Variants in LHFPL6 observed in about 807,000 individuals in gnomAD.
The protein encoded by LHFPL6 is LHFPL tetraspan subfamily member 6 protein.
Under a neutral mutation model 20.6 loss-of-function variants are expected in LHFPL6, and 9 were observed. The ratio of observed to expected loss-of-function variants is 0.44; its 90% CI spans 0.26 to 0.76. LHFPL6 has a LOEUF of 0.76. Ranked by LOEUF, LHFPL6 falls within the 30% of genes least tolerant of loss-of-function variation. LHFPL6 has a pLI of 0.20. For missense variants in LHFPL6, 218 were observed against 253.5 expected (o/e 0.86, Z 0.95); for synonymous variants, 105 against 98.7 (o/e 1.06, Z -0.38).
At chr13:39,535,031 T>C (rs555160227) in intron 2 of LHFPL6, among the ~76,000 whole-genome samples, 1 of 152,332 alleles carries the variant, frequency 6.6e-6, no homozygotes, top group Admixed American at 6.5e-5. Flanking sequence ...TTTCCTTGAC[T>C]AGCTTCTCAC....
intron 2 of LHFPL6, among the ~76,000 whole-genome samples, chr13:39,502,081 C>T (rs976167563): frequency 6.6e-6 from 1 of 152,176 alleles, no homozygotes; most frequent in Non-Finnish European, 1.5e-5. Flanking sequence ...TGAAGTGCCA[C>T]ACTGGGGAAA....
At chr13:39,506,498 A>G (rs1321067031) in intron 2 of LHFPL6, among the ~76,000 whole-genome samples, 1 of 152,246 alleles carries the variant, frequency 6.6e-6, no homozygotes, top group Non-Finnish European at 1.5e-5. Flanking sequence ...CAGCCAGGCT[A>G]GGATGATGAT....
At chr13:39,455,847 A>G (rs1375512344) in intron 2 of LHFPL6, among the ~76,000 whole-genome samples, 1 of 152,234 alleles carries the variant, frequency 6.6e-6, no homozygotes, top group African/African-American at 2.4e-5. Context: ...CATGAACAAA[A>G]CACATAAGAA....
intron 2 of LHFPL6, among the ~76,000 whole-genome samples, chr13:39,475,950 A>C (rs1169856041): frequency 6.6e-6 from 1 of 152,114 alleles, no homozygotes; most frequent in Non-Finnish European, 1.5e-5. Flanking sequence ...AGAGCTCCAC[A>C]ATGAAGGGAA....
At chr13:39,504,072 T>C (rs1047367004) in intron 2 of LHFPL6, among the ~76,000 whole-genome samples, 6 of 152,188 alleles carry the variant, frequency 3.9e-5, no homozygotes, top group African/African-American at 9.6e-5. Flanking sequence ...TGCACCAACC[T>C]AAATAATAAA....
At chr13:39,458,577 T>C (rs529885718) in intron 2 of LHFPL6, among the ~76,000 whole-genome samples, 1 of 151,714 alleles carries the variant, frequency 6.6e-6, no homozygotes, top group Admixed American at 6.6e-5. Context: ...CCTGCATGTG[T>C]AGTTGCAGCT....
chr13:39,381,268 C>A (rs948018584), intron 2 of LHFPL6, among the ~76,000 whole-genome samples: 4 of 152,144 alleles, frequency 2.6e-5, no homozygotes, highest in Non-Finnish European at 4.4e-5. Flanking sequence ...CCTAGTCTGG[C>A]CCAGTCTTAT....
In LHFPL6 at chr13:39,352,990, A is replaced by ATAAT. The variant is rs1263177836; in HGVS notation, c.485-8937_485-8936insATTA. 3.6e-3 allele frequency among the ~76,000 whole-genome samples: 304 copies of ATAAT among 84,238 alleles called. 26 individuals are homozygous for ATAAT. The highest frequency in any genetic ancestry group is 0.013 in the African/African-American group (253 of 20,118). The allele number at this position is 84,238 out of a possible 152,430, so 55.3% of individuals were successfully genotyped here. ...ACACACACATATATATATATATATA[A>ATAAT]TTTTTTTTTTTTTTTTGAGACAGAG... On this transcript the variant is annotated intron_variant, in intron 3 of 3. Transcript: ENST00000379589.
chr13:39,381,509 C>T (rs1870435714), intron 2 of LHFPL6, among the ~76,000 whole-genome samples: 1 of 152,112 alleles, frequency 6.6e-6, no homozygotes, highest in African/African-American at 2.4e-5. Context: ...TCCCCTCCAA[C>T]AACGCATGCT....
intron 2 of LHFPL6, among the ~76,000 whole-genome samples, chr13:39,539,742 T>A (rs1421366448): frequency 6.6e-6 from 1 of 152,218 alleles, no homozygotes; most frequent in Non-Finnish European, 1.5e-5. Context: ...CCTTTAAGAA[T>A]GATTTCCACA....
At chr13:39,510,003 A>G (rs1869632974) in intron 2 of LHFPL6, among the ~76,000 whole-genome samples, 1 of 152,244 alleles carries the variant, frequency 6.6e-6, no homozygotes, top group Non-Finnish European at 1.5e-5. Context: ...AACAATTTAC[A>G]GATTACAAGA....
intron 2 of LHFPL6, among the ~76,000 whole-genome samples, chr13:39,395,610 G>A (rs954444562): frequency 6.6e-6 from 1 of 152,212 alleles, no homozygotes; most frequent in Admixed American, 6.5e-5. Context: ...GTGGACCTCA[G>A]TCAGGGTTTC....
chr13:39,391,665 A>C (rs1159346359), intron 2 of LHFPL6, among the ~76,000 whole-genome samples: 1 of 152,096 alleles, frequency 6.6e-6, no homozygotes, highest in Non-Finnish European at 1.5e-5. Flanking sequence ...CTCATATAGC[A>C]ACTTTTTCAT....
intron 2 of LHFPL6, among the ~76,000 whole-genome samples, chr13:39,558,689 G>A (rs1272007015): frequency 6.6e-6 from 1 of 152,150 alleles, no homozygotes; most frequent in Admixed American, 6.5e-5. Flanking sequence ...TAAAATCAGG[G>A]ATATCTGACA....
chr13:39,484,905 G>A (rs1269992235), intron 2 of LHFPL6, among the ~76,000 whole-genome samples: 1 of 152,130 alleles, frequency 6.6e-6, no homozygotes. Flanking sequence ...TCTTCAGAAG[G>A]ACTGATGGAC....
chr13:39,452,819 TA>T (rs2138422392), intron 2 of LHFPL6, among the ~76,000 whole-genome samples: 1 of 152,348 alleles, frequency 6.6e-6, no homozygotes, highest in East Asian at 1.9e-4. Flanking sequence ...CCACTCCATT[TA>T]AAAATAGGGC....
chr13:39,391,310 C>T (rs552764415), intron 2 of LHFPL6, among the ~76,000 whole-genome samples: 1 of 152,262 alleles, frequency 6.6e-6, no homozygotes, highest in Admixed American at 6.5e-5. Context: ...ACTACTGCCA[C>T]GTTGTATGGT....
chr13:39,462,328 C>T (rs1229081691), intron 2 of LHFPL6, among the ~76,000 whole-genome samples: 4 of 152,150 alleles, frequency 2.6e-5, no homozygotes, highest in Non-Finnish European at 4.4e-5. Flanking sequence ...CCTTCAAAAC[C>T]ATGCTGCCTT....
At chr13:39,594,982 G>A (rs1400168034) in intron 2 of LHFPL6, among the ~76,000 whole-genome samples, 5 of 152,134 alleles carry the variant, frequency 3.3e-5, no homozygotes, top group African/African-American at 9.7e-5. Context: ...TGGGTGGAGG[G>A]AGGAGGGATA....
Sources: allele counts gnomAD v4.1 joint callset (sites outside exome capture counted in the v4.1 genomes callset), GRCh38; gene constraint gnomAD v4.1.1; transcripts MANE v1.5; gene names NCBI Gene and HGNC (gene_info 2026-07-23, HGNC 2026-07-21).